The following CACNA1D variants were observed in gnomAD, a reference collection of about 807,000 sequenced individuals.
CACNA1D encodes the protein calcium voltage-gated channel subunit alpha1 D.
A neutral mutation model predicts 257.1 loss-of-function variants in CACNA1D; 55 were observed. The observed-to-expected ratio is 0.21, with a 90% CI of 0.17 to 0.27. The LOEUF (loss-of-function observed/expected upper bound fraction) is 0.27, where lower values mean the gene tolerates loss of function less well. Ranked by LOEUF, CACNA1D falls within the 10% of genes least tolerant of loss-of-function variation. The probability of loss-of-function intolerance (pLI) is 1.00; values close to 1 mark genes in which losing one functional copy is unlikely to be tolerated. For missense variants in CACNA1D, 1,876 were observed against 2,784.0 expected, an observed-to-expected ratio of 0.67 and a Z score of 7.34; for synonymous variants, 980 against 1,014.9, an observed-to-expected ratio of 0.97 and a Z score of 0.65.
chr3:53,568,376 C>T (rs1453635305), intron 3 of CACNA1D, among the ~76,000 whole-genome samples: 1 of 152,200 alleles, frequency 6.6e-6, no homozygotes, highest in Non-Finnish European at 1.5e-5. Context: ...ATTTTCCTCT[C>T]TCCCGAAACC....
chr3:53,590,357 G>A (rs1234398177), intron 3 of CACNA1D, among the ~76,000 whole-genome samples: 1 of 152,234 alleles, frequency 6.6e-6, no homozygotes, highest in Non-Finnish European at 1.5e-5. Context: ...GTTGAGGTCA[G>A]GCTTGTCGTC....
In CACNA1D at chr3:53,723,424, G is replaced by A. The variant is rs2094901853; in HGVS notation, c.1667-10G>A. The A allele has an allele frequency of 1.2e-6, 2 of 1,611,522 alleles. No individual in the cohort carries two copies. The highest frequency in any genetic ancestry group is 4.5e-5 in the East Asian group (2 of 44,874). Reference sequence around the variant, plus strand: ...AGACCCTGAGGATGGGTGCCCCTTTGTCTTTCCAGATATTGCCAACAAAGT... The same window carrying A: ...AGACCCTGAGGATGGGTGCCCCTTTATCTTTCCAGATATTGCCAACAAAGT... On this transcript the variant is annotated splice_polypyrimidine_tract_variant and intron_variant, in intron 12 of 47. Coordinates refer to ENST00000350061, the MANE Select transcript of CACNA1D (RefSeq NM_001128840.3). The surrounding 1 kb of genome is among the most constrained non-coding windows in gnomAD (Gnocchi z 5.6).
intron 3 of CACNA1D, among the ~76,000 whole-genome samples, chr3:53,552,078 A>G (rs998639071): frequency 6.6e-6 from 1 of 152,164 alleles, no homozygotes; most frequent in African/African-American, 2.4e-5. Context: ...GGTGGATCCC[A>G]CTTGTACGGG....
chr3:53,728,960 C>T (rs1182038339), intron 15 of CACNA1D, among the ~76,000 whole-genome samples: 1 of 152,176 alleles, frequency 6.6e-6, no homozygotes, highest in East Asian at 1.9e-4. Flanking sequence ...TAAGATCTTC[C>T]TGTGGCTCAT....
chr3:53,647,308 A>G (rs936510001), intron 3 of CACNA1D, among the ~76,000 whole-genome samples: 1 of 152,156 alleles, frequency 6.6e-6, no homozygotes, highest in Admixed American at 6.5e-5. Context: ...ATGAGATGCA[A>G]GAATCATTTA....
At position 53,553,626 on chromosome 3, in the gene CACNA1D, C is replaced by A. The variant is rs371115340; in HGVS notation, c.483+51906C>A. The stretch of plus-strand genomic sequence containing the variant: ...TTACATTTGCAATTTGTAACCAGAA[C>A]CATTTTCTTTCCAATGCAGTTGTAA... On this transcript the variant is annotated intron_variant, in intron 3 of 47. Transcript: ENST00000350061. Among the ~76,000 whole-genome samples the A allele has an allele frequency of 5.9e-5, 9 of 152,196 alleles. No individual in the cohort carries two copies. In the South Asian group the frequency reaches 1.9e-3, roughly 32 times the overall value.
intron 7 of CACNA1D, among the ~76,000 whole-genome samples, chr3:53,668,709 TG>T (rs887357519): frequency 6.6e-6 from 1 of 152,220 alleles, no homozygotes; most frequent in Non-Finnish European, 1.5e-5. Context: ...AAAATGTATT[TG>T]GCCTTGCAGG....
At chr3:53,666,259 C>T (rs1330525647) in intron 6 of CACNA1D, 80 bp from the exon 7 acceptor site, 3 of 1,364,624 alleles carry the variant, frequency 2.2e-6, no homozygotes, top group African/African-American at 1.4e-5. Context: ...CGGGCTCTGG[C>T]AAGGGTTCTC....
chr3:53,671,534 C>T (rs2094322874), intron 7 of CACNA1D, among the ~76,000 whole-genome samples: 1 of 152,232 alleles, frequency 6.6e-6, no homozygotes, highest in African/African-American at 2.4e-5. Flanking sequence ...CTCTGCCTTC[C>T]TGCTGAAATT....
chr3:53,718,590 G>A lies in CACNA1D; in HGVS notation c.1478+202G>A, dbSNP rs535481979. 2.2e-4 allele frequency: 72 copies of A among 324,724 alleles called. No individual in the cohort carries two copies. In the Middle Eastern group the frequency reaches 3.8e-3, roughly 17 times the overall value. 20.1% of individuals were successfully genotyped at this position (324,724 alleles called of 1,614,324 possible). A position where few individuals can be genotyped will look rare whatever the true frequency, so the allele number is the denominator to read the frequency against. ...ACACCTCCCCACCCCCCGCCCCCCC[G>A]CCCCCCGGCCCAGCATTTCACATGC... is the stretch of plus-strand genomic sequence containing the variant. On this transcript the variant is annotated intron_variant, in intron 10 of 47. Coordinates refer to ENST00000350061, the MANE Select transcript of CACNA1D (RefSeq NM_001128840.3).
chr3:53,643,102 A>G (rs1047943096), intron 3 of CACNA1D, among the ~76,000 whole-genome samples: 2 of 152,202 alleles, frequency 1.3e-5, no homozygotes, highest in African/African-American at 4.8e-5. Flanking sequence ...CGAGACTAGC[A>G]TTAGACTTGG....
At chr3:53,620,313 A>C (rs1244796989) in intron 3 of CACNA1D, among the ~76,000 whole-genome samples, 1 of 152,088 alleles carries the variant, frequency 6.6e-6, no homozygotes, top group African/African-American at 2.4e-5. Flanking sequence ...TTTGTTTTTG[A>C]GACAGGGTCT....
intron 7 of CACNA1D, among the ~76,000 whole-genome samples, chr3:53,670,259 T>A (rs560691799): frequency 4.9e-4 from 74 of 152,316 alleles, no homozygotes; most frequent in Non-Finnish European, 9.1e-4. Context: ...ATACCAAGTT[T>A]CCAGAAGTGT....
chr3:53,695,037 A>G (rs1367816398), intron 8 of CACNA1D, among the ~76,000 whole-genome samples: 2 of 152,068 alleles, frequency 1.3e-5, no homozygotes, highest in East Asian at 1.9e-4. Context: ...TTTCTCGTGA[A>G]CTCACTCAGC....
intron 3 of CACNA1D, among the ~76,000 whole-genome samples, chr3:53,644,459 A>G (rs1431637526): frequency 6.6e-6 from 1 of 152,094 alleles, no homozygotes; most frequent in African/African-American, 2.4e-5. Flanking sequence ...TTATATGTTG[A>G]TCAACATCTC....
intron 3 of CACNA1D, among the ~76,000 whole-genome samples, chr3:53,520,900 TTTTC>T (rs2091544357): frequency 1.0e-5 from 1 of 98,590 alleles, no homozygotes; most frequent in Admixed American, 1.1e-4. Context: ...CTTTCTTTTC[TTTTC>T]TTTTCTTTTC....
At chr3:53,712,320 G>A (rs180864856) in intron 9 of CACNA1D, among the ~76,000 whole-genome samples, 13 of 152,352 alleles carry the variant, frequency 8.5e-5, no homozygotes, top group Admixed American at 8.5e-4. Flanking sequence ...CTCCGACCCT[G>A]CTGGCACCAG....
At chr3:53,750,151 TTA>T (rs1468379425) in intron 27 of CACNA1D, among the ~76,000 whole-genome samples, 1 of 152,350 alleles carries the variant, frequency 6.6e-6, no homozygotes, top group East Asian at 1.9e-4. Flanking sequence ...ACACCGTGTT[TTA>T]GCCAGTCTGG....
chr3:53,520,849 C>CCTTCCTTTCTTTCTTT (rs2091527511), intron 3 of CACNA1D, among the ~76,000 whole-genome samples: 1 of 133,000 alleles, frequency 7.5e-6, no homozygotes, highest in Non-Finnish European at 1.6e-5. Context: ...TTTGCAAACT[C>CCTTCCTTTCTTTCTTT]CTTTCTTTCT....
Sources: gnomAD v4.1 joint callset for allele counts (sites outside exome capture counted in the v4.1 genomes callset) on GRCh38, gnomAD v4.1.1 for gene constraint, Gnocchi (gnomAD v3.1) non-coding constraint, MANE v1.5 for transcripts, NCBI Gene and HGNC (gene_info 2026-07-23, HGNC 2026-07-21) for gene names.